CLPSL2: variants seen among roughly 807,000 people sequenced by gnomAD.
CLPSL2 encodes the protein colipase like 2.
CLPSL2 carries 4 observed loss-of-function variants against 7.9 expected under a neutral mutation model. The observed-to-expected ratio is 0.50, with a 90% CI of 0.25 to 1.15. The LOEUF is 1.15. Ranked by LOEUF, CLPSL2 falls within the 50% of genes most tolerant of loss-of-function variation. The probability of loss-of-function intolerance (pLI) is 0.15; values close to 1 mark genes in which losing one functional copy is unlikely to be tolerated. For synonymous variants in CLPSL2, 67 were observed against 53.1 expected, an observed-to-expected ratio of 1.26 and a Z score of -1.14; for missense variants, 132 against 136.6, an observed-to-expected ratio of 0.97 and a Z score of 0.17.
chr6:35,779,464 C>T lies in CLPSL2; in HGVS notation c.*14C>T. 1.3e-6 allele frequency: 2 copies of T among 1,564,110 alleles called. No individual in the cohort carries two copies. The highest frequency in any genetic ancestry group is 2.4e-5 in the East Asian group (1 of 42,028). On this transcript the variant is annotated 3_prime_UTR_variant, in exon 3 of 3. Coordinates refer to ENST00000403376, the MANE Select transcript of CLPSL2 (RefSeq NM_207409.4). ...CATATGATTTAGAGGAAGATGCAGG[C>T]TGGTCACTGCTCCCTTGGGGCCATA...
intron 1 of CLPSL2, 131 bp from the exon 2 acceptor site, chr6:35,777,328 C>G: frequency 9.5e-7 from 1 of 1,047,936 alleles, no homozygotes; most frequent in Non-Finnish European, 1.4e-6. Flanking sequence ...AACCAGCCCC[C>G]CAAGGGGTGA....
intron 2 of CLPSL2, 192 bp downstream of exon 2, chr6:35,777,773 C>T: frequency 2.7e-6 from 2 of 730,788 alleles, no homozygotes; most frequent in Non-Finnish European, 5.0e-6. Flanking sequence ...CTCCTTGGAG[C>T]TCCTGTACCC....
rs1328895554 is a variant in CLPSL2, at chr6:35,777,541, G to T, written c.167G>T (p.Cys56Phe). The T allele has an allele frequency of 1.2e-6, 2 of 1,613,630 alleles. No homozygotes were observed. The highest frequency in any genetic ancestry group is 2.7e-5 in the African/African-American group (2 of 74,916). Reference protein sequence around the residue: ...LMDLDSGGAFCAPRARITMIC... With the variant: ...LMDLDSGGAFFAPRARITMIC... ...GACTTGGACTCCGGTGGAGCCTTCT[G>T]TGCCCCCAGGGCCAGAATAACCATG... Residue 56 changes from cysteine to phenylalanine, a missense_variant, in exon 2 of 3, where the codon TGT (cysteine) becomes TTT (phenylalanine). Physicochemically the swap from Cys to Phe is radical, Grantham distance 205. Coordinates refer to ENST00000403376, the MANE Select transcript of CLPSL2 (RefSeq NM_207409.4).
At chr6:35,779,194 G>T (rs575167274) in intron 2 of CLPSL2, among the ~76,000 whole-genome samples, 161 bp from the exon 3 acceptor site, 5 of 152,258 alleles carry the variant, frequency 3.3e-5, no homozygotes, top group Admixed American at 3.3e-4. Flanking sequence ...AGCTGGAGAG[G>T]TTCATTGACT....
intron 1 of CLPSL2, 67 bp from the exon 2 acceptor site, chr6:35,777,392 T>C: frequency 4.1e-6 from 4 of 986,160 alleles, no homozygotes; most frequent in Non-Finnish European, 6.1e-6. Flanking sequence ...GTGGGAACCC[T>C]CCCCTACCCG....
chr6:35,778,523 A>G lies in CLPSL2; in HGVS notation c.208-832A>G, dbSNP rs2817066. Among the ~76,000 whole-genome samples, 1,354 of 152,332 alleles carry G rather than the reference A, an allele frequency of 8.9e-3. 16 individuals carry two copies. The highest frequency in any genetic ancestry group is 0.029 in the African/African-American group (1,198 of 41,584). The stretch of plus-strand genomic sequence containing the variant: ...GTTTCCTCATCTACAAGGAGAGGCT[A>G]AAGTACCTACCCCACCAGGCTGTTG... On this transcript the variant is annotated intron_variant, in intron 2 of 2. Coordinates refer to ENST00000403376, the MANE Select transcript of CLPSL2 (RefSeq NM_207409.4).
rs1767919230 is a variant in CLPSL2, at chr6:35,779,416, A to G, written c.269A>G (p.Asp90Gly). The G allele has an allele frequency of 6.3e-7, 1 of 1,581,766 alleles. No homozygotes were observed. Among genetic ancestry groups the G allele is most frequent in the Non-Finnish European group, 8.6e-7 (1 of 1,162,978 alleles). ...CRMGLTCISK[D>G]LMCSRRCHMI Reference sequence around the variant, plus strand: ...ATGGGCTTGACGTGCATATCCAAGGACTTGATGTGTTCCCGCCGGTGCCAT... The same window carrying G: ...ATGGGCTTGACGTGCATATCCAAGGGCTTGATGTGTTCCCGCCGGTGCCAT... The change falls in exon 3 of 3, where the codon GAC becomes GGC. Residue 90 changes from aspartate to glycine, a missense_variant. Asp to Gly is a moderately conservative substitution (Grantham distance 94). Transcript: ENST00000403376.
In CLPSL2 at chr6:35,777,543, G is replaced by A. The variant is rs1229333112; in HGVS notation, c.169G>A (p.Ala57Thr). Reference protein sequence around the residue: ...MDLDSGGAFCAPRARITMICL... With the variant: ...MDLDSGGAFCTPRARITMICL... ...CTTGGACTCCGGTGGAGCCTTCTGT[G>A]CCCCCAGGGCCAGAATAACCATGAT... is the stretch of plus-strand genomic sequence containing the variant. Residue 57 changes from alanine (A) to threonine (T), a missense_variant, in exon 2 of 3, where the codon GCC becomes ACC. Transcript: ENST00000403376. The A allele has an allele frequency of 1.2e-6, 2 of 1,613,642 alleles. No homozygotes were observed. The highest frequency in any genetic ancestry group is 1.7e-5 in the Admixed American group (1 of 59,992).
chr6:35,777,312 G>GA (rs1357631991), intron 1 of CLPSL2, 147 bp from the exon 2 acceptor site: 3 of 817,850 alleles, frequency 3.7e-6, no homozygotes, highest in South Asian at 1.7e-5. Flanking sequence ...GTGGGGCTGG[G>GA]GGGGGAACCA....
Position 35,777,452 on chromosome 6 carries a change from C to G in CLPSL2, c.85-7C>G, listed in dbSNP as rs371257155. The G allele has an allele frequency of 5.0e-5, 80 of 1,613,126 alleles. No individual in the cohort carries two copies. Among genetic ancestry groups the G allele is most frequent in the Middle Eastern group, 1.7e-4 (1 of 5,984 alleles). On this transcript the variant is annotated splice_region_variant and splice_polypyrimidine_tract_variant and intron_variant, in intron 1 of 2. Coordinates refer to ENST00000403376, the MANE Select transcript of CLPSL2 (RefSeq NM_207409.4). ...CAGCCTGGCAGACATTCTGCCTGTC[C>G]CCACAGAAAATCACAGACAGGTGCT...
chr6:35,777,411 A>G (rs1297665638), intron 1 of CLPSL2, 48 bp from the exon 2 acceptor site: 2 of 1,591,534 alleles, frequency 1.3e-6, no homozygotes, highest in African/African-American at 2.7e-5. Flanking sequence ...CGCCCACACG[A>G]CTCAGGGATT....
intron 1 of CLPSL2, among the ~76,000 whole-genome samples, 152 bp from the exon 2 acceptor site, chr6:35,777,307 G>T (rs959508831): frequency 3.7e-5 from 5 of 133,714 alleles, no homozygotes; most frequent in African/African-American, 1.4e-4. Context: ...CCGGGGTGGG[G>T]CTGGGGGGGG....
intron 1 of CLPSL2, 24 bp downstream of exon 1, chr6:35,776,726 C>G (rs1414874683): frequency 3.7e-6 from 5 of 1,362,872 alleles, no homozygotes; most frequent in African/African-American, 3.0e-5. Context: ...CGCGCCCAGC[C>G]GGCCGCGACC....
intron 2 of CLPSL2, among the ~76,000 whole-genome samples, chr6:35,778,128 G>A (rs1048386423): frequency 3.3e-5 from 5 of 152,184 alleles, no homozygotes; most frequent in South Asian, 2.1e-4. Flanking sequence ...GCTAATTTTC[G>A]TATCTTTGGT....
At chr6:35,777,377 C>A in intron 1 of CLPSL2, 82 bp from the exon 2 acceptor site, 1 of 1,480,560 alleles carries the variant, frequency 6.8e-7, no homozygotes, top group Admixed American at 1.8e-5. Context: ...GGCTCTTTGG[C>A]AATGGTGGGA....
In CLPSL2 at chr6:35,777,520, T is replaced by G. The variant is rs201520783; in HGVS notation, c.146T>G (p.Leu49Trp). Residue 49 changes from leucine to tryptophan, a missense_variant, in exon 2 of 3, where the codon TTG becomes TGG. Leu to Trp is a moderately conservative substitution (Grantham distance 61). Transcript: ENST00000403376. ...TACAGTGGCTGCTGCCTCATGGACT[T>G]GGACTCCGGTGGAGCCTTCTGTGCC... Reference protein sequence around the residue: ...ECYSGCCLMDLDSGGAFCAPR... With the variant: ...ECYSGCCLMDWDSGGAFCAPR... 525 of 1,613,782 alleles carry G rather than the reference T, an allele frequency of 3.3e-4. 4 individuals are homozygous for G. In the Admixed American group the frequency reaches 8.1e-3, roughly 25 times the overall value.
chr6:35,779,136 A>G (rs1425670857), intron 2 of CLPSL2, among the ~76,000 whole-genome samples: 2 of 151,998 alleles, frequency 1.3e-5, no homozygotes, highest in African/African-American at 2.4e-5. Context: ...CAACAACCCT[A>G]TGAGGGGGGT....
At position 35,779,552 on chromosome 6, in the gene CLPSL2, C is replaced by A. The variant is rs1767923730; in HGVS notation, c.*102C>A. The A allele has an allele frequency of 6.5e-7, 1 of 1,542,794 alleles. No homozygotes were observed. The highest frequency in any genetic ancestry group is 8.8e-7 in the Non-Finnish European group (1 of 1,139,648). On this transcript the variant is annotated 3_prime_UTR_variant, in exon 3 of 3. Coordinates refer to ENST00000403376, the MANE Select transcript of CLPSL2 (RefSeq NM_207409.4). ...CTGAGACATTAAAGTCACTTCCTGT[C>A]CTTGGCCTCTGTCTGTACTTTCTGG... is the stretch of plus-strand genomic sequence containing the variant.
At chr6:35,777,755 A>C in intron 2 of CLPSL2, 174 bp downstream of exon 2, 1 of 763,692 alleles carries the variant, frequency 1.3e-6, no homozygotes, top group Non-Finnish European at 2.3e-6. Flanking sequence ...TCCTCTGAGA[A>C]GGCTTCCCTC....
Sources: gnomAD v4.1 joint callset for allele counts (sites outside exome capture counted in the v4.1 genomes callset) on GRCh38, gnomAD v4.1.1 for gene constraint, MANE v1.5 for transcripts, NCBI Gene and HGNC (gene_info 2026-07-23, HGNC 2026-07-21) for gene names.